Variants in FHIP1A observed in about 807,000 individuals in gnomAD.
FHIP1A encodes FHF complex subunit HOOK-interacting protein 1A.
A neutral mutation model predicts 88.6 loss-of-function variants in FHIP1A; 61 were observed. That is an observed-to-expected ratio of 0.69 (90% CI 0.56 to 0.85). The LOEUF (loss-of-function observed/expected upper bound fraction) is 0.85, where lower values mean the gene tolerates loss of function less well. FHIP1A is among the 40% of genes least tolerant of loss of function. FHIP1A has a pLI of 0.00. For synonymous variants in FHIP1A, 478 were observed against 496.0 expected (o/e 0.96, Z 0.48); for missense variants, 1,154 against 1,273.5 (o/e 0.91, Z 1.43).
chr4:151,410,343 A>T lies in FHIP1A; in HGVS notation c.-356+878A>T, dbSNP rs79602218. ...ATGTTGAGAAGGAGAGACAGCTTTC[A>T]GGAGGAGGAGTAAACAATGCCTAAC... On this transcript the variant is annotated intron_variant, in intron 1 of 13. Coordinates refer to ENST00000435205, the MANE Select transcript of FHIP1A (RefSeq NM_001109977.3). Among the ~76,000 whole-genome samples the T allele has an allele frequency of 9.3e-3, 1,411 of 152,242 alleles. 18 individuals are homozygous for T. Among genetic ancestry groups the T allele is most frequent in the African/African-American group, 0.032 (1,319 of 41,548 alleles).
chr4:151,578,386 C>G (rs1483263423), intron 5 of FHIP1A, among the ~76,000 whole-genome samples: 1 of 152,124 alleles, frequency 6.6e-6, no homozygotes, highest in Non-Finnish European at 1.5e-5. Context: ...TTGGTAAAAC[C>G]TGTGCTTTCT....
chr4:151,577,572 T>G lies in FHIP1A; in HGVS notation c.228T>G (p.Ile76Met). 6.4e-7 allele frequency: 1 copy of G among 1,551,876 alleles called. No homozygotes were observed. Among genetic ancestry groups the G allele is most frequent in the South Asian group, 1.2e-5 (1 of 84,050 alleles). ...TAGAACACATGCTCTTCTTGTTGAT[T>G]GAAGAGCAAGCCAAAGATGCTGCAA... ...NYVEHMLFLLIEEQAKDAAMG... is the reference protein window; with the variant it reads ...NYVEHMLFLLMEEQAKDAAMG... Residue 76 changes from isoleucine (I) to methionine (M), a missense_variant, in exon 5 of 14, where the codon ATT becomes ATG. Physicochemically the swap from Ile to Met is conservative, Grantham distance 10 (BLOSUM62 1). Coordinates refer to ENST00000435205, the MANE Select transcript of FHIP1A (RefSeq NM_001109977.3).
Position 151,650,139 on chromosome 4 carries a change from G to A in FHIP1A, c.2098G>A (p.Asp700Asn), listed in dbSNP as rs939193258. 17 of 1,551,594 alleles carry A rather than the reference G, an allele frequency of 1.1e-5. No individual in the cohort carries two copies. Among genetic ancestry groups the A allele is most frequent in the Non-Finnish European group, 1.4e-5 (16 of 1,147,010 alleles). The change falls in exon 11 of 14, where the codon GAC (aspartate) becomes AAC (asparagine). Residue 700 changes from aspartate to asparagine, a missense_variant. Asp to Asn is a conservative substitution (Grantham distance 23). Transcript: ENST00000435205. The stretch of plus-strand genomic sequence containing the variant: ...AGATTCAGAGGAGGAGTGGAATAGG[G>A]ACAATTCAGACCCGTTTCACAGTGA... ...ETDSEEEWNR[D>N]NSDPFHSEPK...
intron 9 of FHIP1A, among the ~76,000 whole-genome samples, chr4:151,642,506 C>G (rs1211336290): frequency 6.6e-6 from 1 of 152,066 alleles, no homozygotes; most frequent in Non-Finnish European, 1.5e-5. Context: ...AGCCTGCCAG[C>G]CTAGGGGAAA....
chr4:151,583,309 T>C (rs1284704635), intron 5 of FHIP1A, among the ~76,000 whole-genome samples: 1 of 152,246 alleles, frequency 6.6e-6, no homozygotes, highest in African/African-American at 2.4e-5. Context: ...AGAGGCACTT[T>C]TTGTAGTGGC....
rs1207151329 is a variant in FHIP1A at position 151,667,783 on chromosome 4, C to G, written c.*5029C>G. ...AGTTAACCTAGTTCACTGTTACCTA[C>G]ACAAGTAACAAGACGGCCAATAGGA... On this transcript the variant is annotated 3_prime_UTR_variant, in exon 14 of 14. Coordinates refer to ENST00000435205, the MANE Select transcript of FHIP1A (RefSeq NM_001109977.3). Among the ~76,000 whole-genome samples the G allele has an allele frequency of 1.3e-5, 2 of 152,194 alleles. No homozygotes were observed. Among genetic ancestry groups the G allele is most frequent in the Non-Finnish European group, 2.9e-5 (2 of 68,024 alleles).
At chr4:151,500,897 T>C (rs1730627580) in intron 3 of FHIP1A, among the ~76,000 whole-genome samples, 1 of 152,170 alleles carries the variant, frequency 6.6e-6, no homozygotes, top group African/African-American at 2.4e-5. Context: ...AGCATATACT[T>C]TTATGTTTAA....
At chr4:151,621,565 G>T (rs1427110924) in intron 7 of FHIP1A, among the ~76,000 whole-genome samples, 1 of 144,594 alleles carries the variant, frequency 6.9e-6, no homozygotes, top group Non-Finnish European at 1.5e-5. Context: ...GTGGTGGGGG[G>T]TGCGTGGGGG....
Position 151,650,694 on chromosome 4 carries a change from G to A in FHIP1A, c.2551+102G>A, listed in dbSNP as rs1030033776. Reference sequence around the variant, plus strand: ...AAAAGGTAAGGGATATTATCGGTTTGTCTAACAGAGGGCTGCAAATATTTT... The same window carrying A: ...AAAAGGTAAGGGATATTATCGGTTTATCTAACAGAGGGCTGCAAATATTTT... On this transcript the variant is annotated intron_variant, in intron 11 of 13. Coordinates refer to ENST00000435205, the MANE Select transcript of FHIP1A (RefSeq NM_001109977.3). 10 of 1,397,014 alleles carry A rather than the reference G, an allele frequency of 7.2e-6. No individual in the cohort carries two copies. In the African/African-American group the frequency reaches 1.2e-4, roughly 16 times the overall value. 86.5% of individuals were successfully genotyped at this position (1,397,014 alleles called of 1,614,324 possible).
At chr4:151,454,643 C>T (rs1037301683) in intron 1 of FHIP1A, 58 bp from the exon 2 acceptor site, 4 of 150,494 alleles carry the variant, frequency 2.7e-5, no homozygotes, top group African/African-American at 9.7e-5. Flanking sequence ...TAGTAAAACA[C>T]AAAAGGTCTG....
intron 7 of FHIP1A, among the ~76,000 whole-genome samples, chr4:151,600,104 T>G (rs1734806378): frequency 6.6e-6 from 1 of 152,226 alleles, no homozygotes; most frequent in South Asian, 2.1e-4. Context: ...ATCTTGATTG[T>G]GGGTTGAGCA....
intron 7 of FHIP1A, among the ~76,000 whole-genome samples, chr4:151,617,351 C>T (rs908865637): frequency 2.0e-5 from 3 of 152,054 alleles, no homozygotes; most frequent in African/African-American, 7.2e-5. Flanking sequence ...AATGTCACTC[C>T]GATCACTAAG....
chr4:151,643,540 A>G (rs1736675427), intron 9 of FHIP1A, among the ~76,000 whole-genome samples: 1 of 152,194 alleles, frequency 6.6e-6, no homozygotes, highest in Non-Finnish European at 1.5e-5. Context: ...CTGTACTATT[A>G]AATACTAGCA....
In FHIP1A at chr4:151,566,131, A is replaced by G. The variant is rs749193753; in HGVS notation, c.-122-7A>G. On this transcript the variant is annotated splice_polypyrimidine_tract_variant and splice_region_variant and intron_variant, in intron 3 of 13. Coordinates refer to ENST00000435205, the MANE Select transcript of FHIP1A (RefSeq NM_001109977.3). ...TAAAATTCATTTTTTTATTATTGCC[A>G]TTACAGGTTTTGGAAGGTGACAATG... 9 of 544,608 alleles carry G rather than the reference A, an allele frequency of 1.7e-5. No individual in the cohort carries two copies. Among genetic ancestry groups the G allele is most frequent in the Non-Finnish European group, 2.9e-5 (9 of 308,544 alleles). The allele number at this position is 544,608 out of a possible 1,614,324, so 33.7% of individuals were successfully genotyped here.
chr4:151,579,140 A>G (rs918690387), intron 5 of FHIP1A, among the ~76,000 whole-genome samples: 3 of 152,222 alleles, frequency 2.0e-5, no homozygotes, highest in Non-Finnish European at 2.9e-5. Flanking sequence ...ATTTTATGGC[A>G]GTCAAATTAC....
chr4:151,586,611 C>T, intron 5 of FHIP1A, 30 bp from the exon 6 acceptor site: 1 of 1,519,180 alleles, frequency 6.6e-7, no homozygotes, highest in Non-Finnish European at 8.9e-7. Flanking sequence ...TTTGGAAAAG[C>T]ATTTATTTTG....
intron 1 of FHIP1A, among the ~76,000 whole-genome samples, chr4:151,437,280 A>G (rs889755175): frequency 2.0e-5 from 3 of 152,034 alleles, no homozygotes; most frequent in African/African-American, 7.2e-5. Context: ...AGCTTTTGAA[A>G]TCCGCTGGGG....
In FHIP1A at chr4:151,577,545, C is replaced by G; in HGVS notation, c.201C>G (p.Tyr67Ter). 6.4e-7 allele frequency: 1 copy of G among 1,551,786 alleles called. No homozygotes were observed. ...ATGAGGCCAGTGCCGTGCAGAATTA[C>G]GTAGAACACATGCTCTTCTTGTTGA... ...PPDEASAVQN[Y>*]VEHMLFLLIE... Residue 67 changes from tyrosine (Y) to a stop codon, truncating the protein, a stop_gained, in exon 5 of 14, where the codon TAC becomes TAG. Coordinates refer to ENST00000435205, the MANE Select transcript of FHIP1A (RefSeq NM_001109977.3). LOFTEE classifies it high-confidence loss of function.
intron 1 of FHIP1A, among the ~76,000 whole-genome samples, chr4:151,435,588 C>T (rs1728150247): frequency 6.6e-6 from 1 of 152,104 alleles, no homozygotes; most frequent in Middle Eastern, 3.4e-3. Context: ...AGTTCAGGAC[C>T]AGCCTGGCCA....
Sources: allele counts gnomAD v4.1 joint callset (sites outside exome capture counted in the v4.1 genomes callset), GRCh38; gene constraint gnomAD v4.1.1; transcripts MANE v1.5; gene names NCBI Gene and HGNC (gene_info 2026-07-23, HGNC 2026-07-21).